ADGB: variants seen among roughly 807,000 people sequenced by gnomAD.
The protein encoded by ADGB is calpain-7-like protein.
Under a neutral mutation model 210.5 loss-of-function variants are expected in ADGB, and 172 were observed. The ratio of observed to expected loss-of-function variants is 0.82; its 90% CI spans 0.72 to 0.93. ADGB has a LOEUF of 0.93. Ranked by LOEUF, ADGB falls within the 40% of genes least tolerant of loss-of-function variation. The probability of loss-of-function intolerance (pLI) is 0.00; values close to 1 mark genes in which losing one functional copy is unlikely to be tolerated. For synonymous variants in ADGB, 658 were observed against 662.7 expected, an observed-to-expected ratio of 0.99 and a Z score of 0.11; for missense variants, 2,025 against 1,964.8, an observed-to-expected ratio of 1.03 and a Z score of -0.58.
At chr6:146,745,021 A>G (rs891884659) in intron 25 of ADGB, among the ~76,000 whole-genome samples, 1 of 152,156 alleles carries the variant, frequency 6.6e-6, no homozygotes, top group Admixed American at 6.5e-5. Flanking sequence ...CCCAAACATG[A>G]TGTCATAAAG....
intron 29 of ADGB, chr6:146,770,464 A>C (rs1777633777): frequency 1.2e-5 from 4 of 347,070 alleles, no homozygotes; most frequent in South Asian, 8.9e-5. Context: ...ACGGCATCGC[A>C]CTGTGCGGCC....
chr6:146,812,644 C>T (rs923434842), intron 35 of ADGB, among the ~76,000 whole-genome samples: 17 of 152,218 alleles, frequency 1.1e-4, no homozygotes, highest in Non-Finnish European at 2.2e-4. Flanking sequence ...TTGATCCCTT[C>T]TTGTATGTTC....
intron 8 of ADGB, among the ~76,000 whole-genome samples, chr6:146,672,921 G>C (rs959091502): frequency 6.6e-6 from 1 of 151,858 alleles, no homozygotes; most frequent in Non-Finnish European, 1.5e-5. Context: ...AGTAGAGACA[G>C]GGTTTCACCA....
At chr6:146,770,496 T>C (rs770505089) in intron 29 of ADGB, 3 of 422,834 alleles carry the variant, frequency 7.1e-6, no homozygotes, top group Non-Finnish European at 1.5e-5. Flanking sequence ...TCCTCTCTCA[T>C]TGGGCAGGGA....
Position 146,690,580 on chromosome 6 carries a change from A to G in ADGB, c.1312-536A>G, listed in dbSNP as rs141276642. Among the ~76,000 whole-genome samples the G allele has an allele frequency of 3.8e-3, 580 of 152,320 alleles. 1 individual carries two copies. The highest frequency in any genetic ancestry group is 0.013 in the African/African-American group (531 of 41,586). On this transcript the variant is annotated intron_variant, in intron 10 of 35. Transcript: ENST00000397944. Reference sequence around the variant, plus strand: ...GATCTAACACTAGAATATGAGAAGTATCTGCCTGGGCAACTCCTTGATTGT... The same window carrying G: ...GATCTAACACTAGAATATGAGAAGTGTCTGCCTGGGCAACTCCTTGATTGT...
In ADGB at chr6:146,676,390, G is replaced by C. The variant is rs1776085065; in HGVS notation, c.1165G>C (p.Gly389Arg). 1.3e-6 allele frequency: 2 copies of C among 1,547,950 alleles called. No homozygotes were observed. Among genetic ancestry groups the C allele is most frequent in the Non-Finnish European group, 1.7e-6 (2 of 1,144,692 alleles). ...EKEKFKFSLH[G>R]SRPSSEVQYS... is the part of the protein sequence containing the mutation. ...AGAAAAATTCAAATTCTCACTTCAT[G>C]GTTCAAGACCCTCATCAGAAGTGCA... Residue 389 changes from glycine (G) to arginine (R), a missense_variant, in exon 9 of 36, where the codon GGT (glycine) becomes CGT (arginine). Coordinates refer to ENST00000397944, the MANE Select transcript of ADGB (RefSeq NM_024694.4).
chr6:146,779,760 AC>A (rs1200561091), intron 29 of ADGB, among the ~76,000 whole-genome samples: 1 of 152,052 alleles, frequency 6.6e-6, no homozygotes, highest in African/African-American at 2.4e-5. Context: ...AGAAAAAAAA[AC>A]AACTGAAAAT....
At chr6:146,657,055 C>T (rs763134344) in intron 5 of ADGB, 75 bp downstream of exon 5, 5 of 1,339,996 alleles carry the variant, frequency 3.7e-6, no homozygotes, top group Non-Finnish European at 5.1e-6. Flanking sequence ...CATGGTGGCT[C>T]ATGCCTGTAA....
At chr6:146,793,277 G>A (rs1054626003) in intron 33 of ADGB, among the ~76,000 whole-genome samples, 3 of 152,226 alleles carry the variant, frequency 2.0e-5, no homozygotes, top group East Asian at 1.9e-4. Context: ...GTGCTGATTG[G>A]TGCATTTTAC....
chr6:146,772,959 G>A (rs1777673319), intron 29 of ADGB, among the ~76,000 whole-genome samples: 1 of 152,070 alleles, frequency 6.6e-6, no homozygotes, highest in African/African-American at 2.4e-5. Flanking sequence ...AGCCAGTGCT[G>A]GACTCACATC....
chr6:146,754,378 G>A (rs1015928564), intron 27 of ADGB, among the ~76,000 whole-genome samples: 2 of 151,160 alleles, frequency 1.3e-5, no homozygotes, highest in Non-Finnish European at 3.0e-5. Context: ...AATCTACTTT[G>A]TCAATATTTA....
chr6:146,650,252 C>T (rs1323767974), intron 3 of ADGB, among the ~76,000 whole-genome samples: 1 of 151,888 alleles, frequency 6.6e-6, no homozygotes, highest in Non-Finnish European at 1.5e-5. Flanking sequence ...ACATTTTAGC[C>T]AAAACTGGAT....
At chr6:146,740,003 A>C (rs184121125) in intron 23 of ADGB, among the ~76,000 whole-genome samples, 148 of 152,318 alleles carry the variant, frequency 9.7e-4, no homozygotes, top group Non-Finnish European at 6.5e-4. Flanking sequence ...CATAGCCTTA[A>C]ATTTTTAAAA....
chr6:146,699,983 C>T (rs17827328), intron 12 of ADGB, among the ~76,000 whole-genome samples: 28,188 of 152,186 alleles, frequency 0.19, 3,353 homozygotes, highest in Non-Finnish European at 0.27. Flanking sequence ...TGATTGGATT[C>T]GACTAATCTA....
chr6:146,691,444 A>AT (rs1562275559), intron 11 of ADGB, among the ~76,000 whole-genome samples, 154 bp downstream of exon 11: 1 of 21,278 alleles, frequency 4.7e-5, no homozygotes, highest in African/African-American at 4.5e-4. Context: ...ATATATATAA[A>AT]AATATATATA....
Position 146,676,392 on chromosome 6 carries a change from T to A in ADGB, c.1167T>A (p.Gly389=). 1 of 1,547,882 alleles carries A rather than the reference T, an allele frequency of 6.5e-7. No homozygotes were observed. Among genetic ancestry groups the A allele is most frequent in the East Asian group, 2.5e-5 (1 of 40,724 alleles). The change falls in exon 9 of 36, where the codon GGT becomes GGA. Residue 389 remains glycine (G), a synonymous_variant. Coordinates refer to ENST00000397944, the MANE Select transcript of ADGB (RefSeq NM_024694.4). The stretch of plus-strand genomic sequence containing the variant: ...AAAAATTCAAATTCTCACTTCATGG[T>A]TCAAGACCCTCATCAGAAGTGCAGT... ...EKEKFKFSLH[G]SRPSSEVQYS... is the part of the protein sequence containing the mutation.
intron 8 of ADGB, among the ~76,000 whole-genome samples, chr6:146,672,822 C>T (rs1776029553): frequency 6.6e-6 from 1 of 151,574 alleles, no homozygotes; most frequent in Non-Finnish European, 1.5e-5. Flanking sequence ...CCTTCATCTC[C>T]CAGGATCAAG....
chr6:146,632,427 A>G (rs1781078800), intron 1 of ADGB, among the ~76,000 whole-genome samples: 1 of 152,180 alleles, frequency 6.6e-6, no homozygotes, highest in African/African-American at 2.4e-5. Flanking sequence ...TAATCTCCCC[A>G]TCTCAAGATA....
At chr6:146,719,952 T>C (rs1383422603) in intron 16 of ADGB, among the ~76,000 whole-genome samples, 3 of 152,248 alleles carry the variant, frequency 2.0e-5, no homozygotes, top group Non-Finnish European at 4.4e-5. Context: ...ATTTAAGTCA[T>C]GATTGCATTG....
Sources: allele counts gnomAD v4.1 joint callset (sites outside exome capture counted in the v4.1 genomes callset), GRCh38; gene constraint gnomAD v4.1.1; transcripts MANE v1.5; gene names NCBI Gene and HGNC (gene_info 2026-07-23, HGNC 2026-07-21).